The following PCDHGA5 variants were observed in gnomAD, a reference collection of about 807,000 sequenced individuals.
The protein encoded by PCDHGA5 is protocadherin gamma subfamily A, 5.
A neutral mutation model predicts 56.7 loss-of-function variants in PCDHGA5; 36 were observed. That is an observed-to-expected ratio of 0.64 (90% confidence interval 0.49 to 0.84). PCDHGA5 has a LOEUF of 0.84. PCDHGA5 is among the 40% of genes least tolerant of loss of function. PCDHGA5 has a pLI of 0.00. For missense variants in PCDHGA5, 1,305 were observed against 1,201.5 expected, an observed-to-expected ratio of 1.09 and a Z score of -1.27; for synonymous variants, 563 against 520.2, an observed-to-expected ratio of 1.08 and a Z score of -1.12.
intron 1 of PCDHGA5, chr5:141,389,412 G>T (rs1039259671): frequency 5.6e-6 from 9 of 1,613,470 alleles, no homozygotes; most frequent in Non-Finnish European, 7.6e-6. Flanking sequence ...CGCGGAGAGC[G>T]GGGTGGTGTT....
chr5:141,370,655 C>T (rs746541169), intron 1 of PCDHGA5: 14 of 1,613,708 alleles, frequency 8.7e-6, no homozygotes, highest in Non-Finnish European at 1.1e-5. Context: ...TACTTGTGAG[C>T]GACCGTATAG....
intron 1 of PCDHGA5, among the ~76,000 whole-genome samples, chr5:141,472,102 T>C (rs1231168102): frequency 6.6e-6 from 1 of 152,240 alleles, no homozygotes; most frequent in Non-Finnish European, 1.5e-5. Flanking sequence ...ATTCCCATTT[T>C]ATACATAAAG....
chr5:141,478,521 G>A, intron 1 of PCDHGA5: 1 of 1,610,618 alleles, frequency 6.2e-7, no homozygotes, highest in Non-Finnish European at 8.5e-7. Context: ...CAGGTGTTGG[G>A]TGCAGAGAGC....
chr5:141,401,171 G>T (rs1222326375), intron 1 of PCDHGA5, among the ~76,000 whole-genome samples: 1 of 152,054 alleles, frequency 6.6e-6, no homozygotes, highest in African/African-American at 2.4e-5. Flanking sequence ...GTGAAAACCC[G>T]TCTCTACTAA....
chr5:141,427,265 C>G (rs767369457), intron 1 of PCDHGA5: 1 of 456,688 alleles, frequency 2.2e-6, no homozygotes, highest in Non-Finnish European at 4.4e-6. Context: ...GCATGACCAG[C>G]GAATGTAAAA....
intron 1 of PCDHGA5, chr5:141,374,167 A>G (rs1320540619): frequency 1.9e-6 from 3 of 1,613,124 alleles, no homozygotes; most frequent in Non-Finnish European, 2.5e-6. Flanking sequence ...GGGCCGCGGC[A>G]GCGCAGATCC....
chr5:141,399,026 A>C (rs1448827116), intron 1 of PCDHGA5: 1 of 1,613,886 alleles, frequency 6.2e-7, no homozygotes, highest in East Asian at 2.2e-5. Flanking sequence ...ATTACCACTC[A>C]AAAGAAACTG....
chr5:141,419,632 G>A (rs1210031265), intron 1 of PCDHGA5: 1 of 1,612,432 alleles, frequency 6.2e-7, no homozygotes, highest in Admixed American at 1.7e-5. Flanking sequence ...TGACCAAGGT[G>A]GTGGCCGTGG....
chr5:141,374,510 C>A, intron 1 of PCDHGA5: 1 of 1,611,824 alleles, frequency 6.2e-7, no homozygotes, highest in Non-Finnish European at 8.5e-7. Flanking sequence ...AGTGAAAATT[C>A]TCGAAAACGC....
intron 1 of PCDHGA5, chr5:141,430,820 G>C (rs1194897001): frequency 6.5e-7 from 1 of 1,541,598 alleles, no homozygotes; most frequent in East Asian, 2.3e-5. Context: ...AATCCTCCTG[G>C]GGACTCTGTG....
chr5:141,395,119 T>C, intron 1 of PCDHGA5: 1 of 1,614,182 alleles, frequency 6.2e-7, no homozygotes. Flanking sequence ...AGTCACCTGA[T>C]CTTTCCCCAG....
intron 1 of PCDHGA5, chr5:141,374,356 C>T: frequency 1.2e-6 from 2 of 1,614,034 alleles, no homozygotes; most frequent in Non-Finnish European, 1.7e-6. Context: ...GTAGGATAGA[C>T]CGCGAGGAGC....
At chr5:141,418,418 G>C (rs1366605966) in intron 1 of PCDHGA5, 1 of 1,613,998 alleles carries the variant, frequency 6.2e-7, no homozygotes, top group East Asian at 2.2e-5. Flanking sequence ...AGACAATCCT[G>C]ATGGTGGCAA....
rs568927137 is a variant in PCDHGA5, at chr5:141,410,186, CT to C, written c.2421+43436del. On this transcript the variant is annotated intron_variant, in intron 1 of 3. Coordinates refer to ENST00000518069, the MANE Select transcript of PCDHGA5 (RefSeq NM_018918.3). ...ACTCTCTGCCACCGCCACGCTTCAT[CT>C]GGTCTTCGCAGACAACTTGCAAGAG... 1.6e-5 allele frequency: 26 copies of C among 1,613,940 alleles called. 1 individual carries two copies. In the South Asian group the frequency reaches 2.6e-4, roughly 16 times the overall value.
At chr5:141,423,837 A>G (rs73792199) in intron 1 of PCDHGA5, 16,285 of 1,277,458 alleles carry the variant, frequency 0.013, 610 homozygotes, top group African/African-American at 0.098. Context: ...TGAGATTACG[A>G]TAATCTTTCA....
chr5:141,383,027 C>A lies in PCDHGA5; in HGVS notation c.2421+16276C>A, dbSNP rs752703068. 3 of 1,613,838 alleles carry A rather than the reference C, an allele frequency of 1.9e-6. No homozygotes were observed. In the South Asian group the frequency reaches 3.3e-5, roughly 18 times the overall value. ...GTGTCGGAGGAGACGGACAAAGGGTCCTTTGTGGGAGACATCGCCAAGGAC... is the reference window on the plus strand; with the variant it reads ...GTGTCGGAGGAGACGGACAAAGGGTACTTTGTGGGAGACATCGCCAAGGAC... On this transcript the variant is annotated intron_variant, in intron 1 of 3. Coordinates refer to ENST00000518069, the MANE Select transcript of PCDHGA5 (RefSeq NM_018918.3).
At position 141,477,055 on chromosome 5, in the gene PCDHGA5, G is replaced by A. The variant is rs531755338; in HGVS notation, c.2422-17752G>A. Reference sequence around the variant, plus strand: ...CAATCAAGGGTCGGCTGGACTTCGAGGACACCAAACTCCATGAGATTTACA... The same window carrying A: ...CAATCAAGGGTCGGCTGGACTTCGAAGACACCAAACTCCATGAGATTTACA... On this transcript the variant is annotated intron_variant, in intron 1 of 3. Transcript: ENST00000518069. This position sits in a 1 kb window ranked among gnomAD's most constrained non-coding sequence, Gnocchi z 4.9. The A allele has an allele frequency of 4.5e-5, 72 of 1,614,242 alleles. 1 individual carries two copies. In the South Asian group the frequency reaches 7.8e-4, roughly 17 times the overall value.
chr5:141,503,377 A>G lies in PCDHGA5; in HGVS notation c.2481-2016A>G, dbSNP rs534841057. Among the ~76,000 whole-genome samples, 4 of 152,142 alleles carry G rather than the reference A, an allele frequency of 2.6e-5. No homozygotes were observed. In the East Asian group the frequency reaches 7.8e-4, roughly 30 times the overall value. The stretch of plus-strand genomic sequence containing the variant: ...TTTGGGAAGCGGAGGCAGGTGGATC[A>G]TGAGGTCAGGAGTTCGAAACCAACC... On this transcript the variant is annotated intron_variant, in intron 2 of 3. Coordinates refer to ENST00000518069, the MANE Select transcript of PCDHGA5 (RefSeq NM_018918.3).
rs756423770 is a variant in PCDHGA5 at position 141,430,950 on chromosome 5, T to G, written c.2422-63857T>G. 8 of 1,609,862 alleles carry G rather than the reference T, an allele frequency of 5.0e-6. No individual in the cohort carries two copies. The East Asian group carries it at 1.6e-4, about 31-fold the overall frequency. On this transcript the variant is annotated intron_variant, in intron 1 of 3. Coordinates refer to ENST00000518069, the MANE Select transcript of PCDHGA5 (RefSeq NM_018918.3). ...CCCCGGGAGCTCGCGGAGCGCGGAG[T>G]CCGCATCATCCCCAGAGGTAGGACG...
Sources: allele counts gnomAD v4.1 joint callset (sites outside exome capture counted in the v4.1 genomes callset), GRCh38; gene constraint gnomAD v4.1.1; non-coding constraint Gnocchi (gnomAD v3.1); transcripts MANE v1.5; gene names NCBI Gene and HGNC (gene_info 2026-07-23, HGNC 2026-07-21).